TF: variants seen among roughly 807,000 people sequenced by gnomAD.
TF encodes the protein transferrin, also known as serotransferrin.
In TF, 55 loss-of-function variants were observed where a neutral mutation model predicts 82.4. That is an observed-to-expected ratio of 0.67 (90% CI 0.54 to 0.84). The LOEUF (loss-of-function observed/expected upper bound fraction) is 0.84, where lower values mean the gene tolerates loss of function less well. TF is among the 40% of genes least tolerant of loss of function. The pLI is 0.00. For missense variants in TF, 737 were observed against 868.4 expected (o/e 0.85, Z 1.90); for synonymous variants, 332 against 332.6 (o/e 1.00, Z 0.02).
upstream of TF, chr3:133,746,103 C>G: frequency 1.5e-5 from 7 of 453,304 alleles, no homozygotes; most frequent in Non-Finnish European, 2.5e-5. Flanking sequence ...GAGCAGAGCC[C>G]CCCGGCTCCC....
the TF span, among the ~76,000 whole-genome samples, chr3:133,687,723 T>G: frequency 0.01 from 1,560 of 152,150 alleles, 14 homozygotes; most frequent in Middle Eastern, 0.027. Flanking sequence ...CAAGTTGGAG[T>G]TTTCGAGGTT....
the TF span, among the ~76,000 whole-genome samples, chr3:133,723,440 T>A: frequency 6.6e-6 from 1 of 151,008 alleles, no homozygotes; most frequent in East Asian, 1.9e-4. Context: ...TGGTGTCCCA[T>A]AAGTACCATA....
chr3:133,710,922 T>C, the TF span, among the ~76,000 whole-genome samples: 1 of 152,190 alleles, frequency 6.6e-6, no homozygotes, highest in Non-Finnish European at 1.5e-5. Flanking sequence ...CTGGCTCCTC[T>C]GCATCACTCC....
chr3:133,768,357 C>T (rs1934179787), intron 13 of TF, among the ~76,000 whole-genome samples, 193 bp downstream of exon 13: 10 of 152,170 alleles, frequency 6.6e-5, no homozygotes, highest in Admixed American at 5.2e-4. Context: ...ACATGGCTGT[C>T]AAAGACAGCA....
chr3:133,693,626 C>A, the TF span, among the ~76,000 whole-genome samples: 1 of 152,104 alleles, frequency 6.6e-6, no homozygotes, highest in Non-Finnish European at 1.5e-5. Flanking sequence ...TACTGGACAC[C>A]CATCTGGGCA....
intron 3 of TF, chr3:133,753,922 G>A (rs1933747516): frequency 1.6e-6 from 1 of 630,274 alleles, no homozygotes; most frequent in Non-Finnish European, 2.8e-6. Context: ...CTGAGCCCTG[G>A]GCCAGGGGCA....
At chr3:133,674,932 C>G in the TF span, among the ~76,000 whole-genome samples, 1 of 152,182 alleles carries the variant, frequency 6.6e-6, no homozygotes, top group East Asian at 1.9e-4. Context: ...TGAGAGAATG[C>G]TTTTCACATC....
the TF span, among the ~76,000 whole-genome samples, chr3:133,684,461 A>G: frequency 6.6e-6 from 1 of 152,238 alleles, no homozygotes; most frequent in Non-Finnish European, 1.5e-5. Flanking sequence ...CACTAGCAAG[A>G]CTAATAAAGA....
intron 15 of TF, among the ~76,000 whole-genome samples, chr3:133,776,101 C>A (rs1015417533): frequency 9.9e-5 from 15 of 152,200 alleles, no homozygotes; most frequent in Admixed American, 2.6e-4. Context: ...CTTTCTGCTC[C>A]CCCTAACCTT....
At chr3:133,756,163 C>T in intron 5 of TF, 119 bp from the exon 6 acceptor site, 1 of 945,990 alleles carries the variant, frequency 1.1e-6, no homozygotes, top group Non-Finnish European at 1.7e-6. Flanking sequence ...GTTGCTTCAG[C>T]TACGGGGCTG....
the TF span, among the ~76,000 whole-genome samples, chr3:133,736,811 T>C: frequency 1.3e-5 from 2 of 151,990 alleles, no homozygotes; most frequent in Non-Finnish European, 2.9e-5. Flanking sequence ...GCACCCAGAT[T>C]CATAAAGCAA....
At chr3:133,711,293 G>T in the TF span, among the ~76,000 whole-genome samples, 2 of 152,206 alleles carry the variant, frequency 1.3e-5, no homozygotes, top group Non-Finnish European at 2.9e-5. Flanking sequence ...CTATCTCTGT[G>T]TTGATAATTG....
Position 133,778,674 on chromosome 3 carries a change from T to C in TF, c.*54T>C. ...TGAAGATGGGAACGCAGATGATCCA[T>C]GAGTTTGCCCTGGTTTCACTGGCCC... On this transcript the variant is annotated 3_prime_UTR_variant, in exon 17 of 17. Coordinates refer to ENST00000402696, the MANE Select transcript of TF (RefSeq NM_001063.4). 1.2e-6 allele frequency: 2 copies of C among 1,603,260 alleles called. No homozygotes were observed. The highest frequency in any genetic ancestry group is 1.7e-6 in the Non-Finnish European group (2 of 1,172,364).
At chr3:133,738,072 T>A in the TF span, among the ~76,000 whole-genome samples, 1 of 152,210 alleles carries the variant, frequency 6.6e-6, no homozygotes. Flanking sequence ...AATAAAATAC[T>A]GGCAAACTGA....
chr3:133,706,023 G>A, the TF span, among the ~76,000 whole-genome samples: 8 of 152,198 alleles, frequency 5.3e-5, no homozygotes, highest in African/African-American at 1.9e-4. Context: ...GTTGTCTCAT[G>A]TTATGGAGCT....
rs779687999 is a variant in TF, at chr3:133,775,634, T to C, written c.1872+17T>C. On this transcript the variant is annotated intron_variant, in intron 15 of 16. Transcript: ENST00000402696. ...CAACAGCAGGTATGGACCAGCCAGG[T>C]CCTCCCACCTTTTCTTCCTAGATGG... 2.5e-6 allele frequency: 4 copies of C among 1,613,192 alleles called. No homozygotes were observed. The highest frequency in any genetic ancestry group is 3.4e-6 in the Non-Finnish European group (4 of 1,179,854).
intron 1 of TF, 63 bp from the exon 2 acceptor site, chr3:133,748,349 G>T (rs888341213): frequency 1.2e-6 from 2 of 1,604,634 alleles, no homozygotes; most frequent in South Asian, 1.1e-5. Context: ...CTTTCTAGGG[G>T]CGATGCTGTC....
the TF span, among the ~76,000 whole-genome samples, chr3:133,678,645 C>T: frequency 3.9e-5 from 6 of 152,034 alleles, no homozygotes; most frequent in African/African-American, 1.2e-4. Context: ...GTTTGTTGGC[C>T]GCATAAATGT....
At chr3:133,743,386 G>A (rs1054434599), upstream of TF, among the ~76,000 whole-genome samples, 15 of 152,038 alleles carry the variant, frequency 9.9e-5, no homozygotes, top group Non-Finnish European at 7.4e-5. Context: ...CCTGGGGGCT[G>A]TGTGCTTTTG....
Sources: gnomAD v4.1 joint callset for allele counts (sites outside exome capture counted in the v4.1 genomes callset) on GRCh38, gnomAD v4.1.1 for gene constraint, MANE v1.5 for transcripts, NCBI Gene and HGNC (gene_info 2026-07-23, HGNC 2026-07-21) for gene names.